RGS6: variants seen among roughly 807,000 people sequenced by gnomAD.
RGS6 encodes regulator of G protein signaling 6.
RGS6 carries 30 observed loss-of-function variants against 78.5 expected under a neutral mutation model. That is an observed-to-expected ratio of 0.38 (90% confidence interval 0.29 to 0.52). The LOEUF is 0.52. Among genes scored for constraint, RGS6 ranks in the 20% least tolerant of loss-of-function variants. The pLI is 0.85. For missense variants in RGS6, 495 were observed against 609.7 expected (o/e 0.81, Z 1.98); for synonymous variants, 206 against 206.0 (o/e 1.00, Z 0.00).
rs182148523 is a variant in RGS6, at chr14:72,072,555, T to A, written c.84+107680T>A. On this transcript the variant is annotated intron_variant, in intron 2 of 17. Coordinates refer to ENST00000553525, the MANE Select transcript of RGS6 (RefSeq NM_001204424.2). ...ATCTCCTGACCTCAGGTGATCCACC[T>A]GCCCCGGCCTCCCAAAGTGCTGGGA... 3.9e-5 allele frequency among the ~76,000 whole-genome samples: 6 copies of A among 152,060 alleles called. No homozygotes were observed. The South Asian group carries it at 6.2e-4, about 16-fold the overall frequency.
At chr14:71,913,204 A>AATG in the RGS6 span, among the ~76,000 whole-genome samples, 1 of 152,168 alleles carries the variant, frequency 6.6e-6, no homozygotes, top group Admixed American at 6.5e-5. Context: ...GTGAACATTG[A>AATG]ATGTATGTTA....
chr14:72,312,225 G>GTTTT (rs386364170), intron 2 of RGS6, among the ~76,000 whole-genome samples: 27 of 128,920 alleles, frequency 2.1e-4, no homozygotes, highest in South Asian at 7.6e-4. Context: ...CTGAGAAATT[G>GTTTT]TTTTTTTTTT....
intron 2 of RGS6, among the ~76,000 whole-genome samples, chr14:72,209,325 AGGCAATAATC>A (rs1395233814): frequency 6.6e-6 from 1 of 152,250 alleles, no homozygotes; most frequent in African/African-American, 2.4e-5. Context: ...ATTCTTTAAA[AGGCAATAATC>A]ATTTGAATCT....
chr14:72,087,116 TA>T (rs1225283057), intron 2 of RGS6, among the ~76,000 whole-genome samples: 1 of 152,170 alleles, frequency 6.6e-6, no homozygotes, highest in African/African-American at 2.4e-5. Context: ...AATTCATTTT[TA>T]TTTTATTTTA....
chr14:71,939,611 T>A (rs771145338), intron 1 of RGS6, among the ~76,000 whole-genome samples: 24 of 152,364 alleles, frequency 1.6e-4, no homozygotes, highest in Non-Finnish European at 2.8e-4. Context: ...ATTTGCCAAG[T>A]CAATGGCTGC....
the RGS6 span, among the ~76,000 whole-genome samples, chr14:72,628,215 G>GT: frequency 6.6e-6 from 1 of 152,002 alleles, no homozygotes; most frequent in Non-Finnish European, 1.5e-5. Context: ...TGTGCCTAGT[G>GT]TTTTCCTCAT....
intron 3 of RGS6, among the ~76,000 whole-genome samples, chr14:72,415,908 G>A (rs552004056): frequency 3.3e-5 from 5 of 152,058 alleles, no homozygotes; most frequent in South Asian, 2.1e-4. Context: ...CCAGCACTTC[G>A]GGAGGCCAAG....
At chr14:72,487,038 C>T (rs1454573852) in intron 12 of RGS6, among the ~76,000 whole-genome samples, 1 of 152,142 alleles carries the variant, frequency 6.6e-6, no homozygotes, top group Non-Finnish European at 1.5e-5. Flanking sequence ...CACCAAGAAG[C>T]TGGGAGAGCA....
At chr14:72,372,732 C>T (rs1426612442) in intron 3 of RGS6, among the ~76,000 whole-genome samples, 1 of 152,168 alleles carries the variant, frequency 6.6e-6, no homozygotes. Flanking sequence ...CCAGGGAAAT[C>T]ACTGGTGATG....
chr14:72,169,325 A>G (rs2096976384), intron 2 of RGS6, among the ~76,000 whole-genome samples: 1 of 151,480 alleles, frequency 6.6e-6, no homozygotes. Flanking sequence ...GTGGAATTAC[A>G]ATACGGATGT....
chr14:72,074,677 T>A (rs920231638), intron 2 of RGS6, among the ~76,000 whole-genome samples: 2 of 152,204 alleles, frequency 1.3e-5, no homozygotes, highest in Non-Finnish European at 1.5e-5. Context: ...AATGCTATTT[T>A]TTCAGTTATC....
rs1026352369 is a variant in RGS6, at chr14:72,164,831, C to A, written c.85-187264C>A. Among the ~76,000 whole-genome samples, 16 of 152,128 alleles carry A rather than the reference C, an allele frequency of 1.1e-4. 1 individual carries two copies. On this transcript the variant is annotated intron_variant, in intron 2 of 17. Transcript: ENST00000553525. ...TTAAATTTATAATCATAATTTTATTCTAGAGTTTTAACAAATGGTAAAACA... is the reference window on the plus strand; with the variant it reads ...TTAAATTTATAATCATAATTTTATTATAGAGTTTTAACAAATGGTAAAACA...
At chr14:72,540,530 T>C (rs2097310744) in intron 17 of RGS6, 2 of 1,570,596 alleles carry the variant, frequency 1.3e-6, no homozygotes, top group Non-Finnish European at 1.7e-6. Flanking sequence ...CTGTGAACCC[T>C]GGCAGTCACG....
intron 2 of RGS6, among the ~76,000 whole-genome samples, chr14:72,068,958 T>C (rs1273917093): frequency 6.6e-6 from 1 of 152,032 alleles, no homozygotes; most frequent in Admixed American, 6.5e-5. Flanking sequence ...TATTCTACTT[T>C]TGTTTCTTTC....
At chr14:72,510,106 T>A (rs1214991046) in intron 13 of RGS6, 48 bp from the exon 14 acceptor site, 3 of 1,529,342 alleles carry the variant, frequency 2.0e-6, no homozygotes, top group Non-Finnish European at 2.6e-6. Context: ...TGACACGAGC[T>A]TTTCTCTGGT....
rs139986728 is a variant in RGS6 at position 72,049,946 on chromosome 14, A to G, written c.84+85071A>G. On this transcript the variant is annotated intron_variant, in intron 2 of 17. Coordinates refer to ENST00000553525, the MANE Select transcript of RGS6 (RefSeq NM_001204424.2). Reference sequence around the variant, plus strand: ...AGTGACACTAAATATATACATATATATAGCTGTACACTAGACTTAACCTAA... The same window carrying G: ...AGTGACACTAAATATATACATATATGTAGCTGTACACTAGACTTAACCTAA... Among the ~76,000 whole-genome samples, 243 of 152,364 alleles carry G rather than the reference A, an allele frequency of 1.6e-3. 1 individual carries two copies. Among genetic ancestry groups the G allele is most frequent in the African/African-American group, 5.5e-3 (230 of 41,588 alleles).
intron 2 of RGS6, among the ~76,000 whole-genome samples, chr14:72,104,532 G>A (rs760465428): frequency 2.2e-4 from 34 of 152,194 alleles, no homozygotes; most frequent in Admixed American, 2.2e-3. Context: ...CAAAATAGCA[G>A]CATTAACCTA....
intron 3 of RGS6, among the ~76,000 whole-genome samples, chr14:72,452,181 G>A (rs958116045): frequency 2.0e-5 from 3 of 151,886 alleles, no homozygotes; most frequent in Non-Finnish European, 4.4e-5. Flanking sequence ...GTATAACTTG[G>A]AGGAAAGGGA....
chr14:72,424,284 G>C (rs1338107722), intron 3 of RGS6, among the ~76,000 whole-genome samples: 2 of 152,212 alleles, frequency 1.3e-5, no homozygotes, highest in Admixed American at 1.3e-4. Context: ...ATGGGACTTA[G>C]TTTGGGGGTA....
Sources: gnomAD v4.1 joint callset for allele counts (sites outside exome capture counted in the v4.1 genomes callset) on GRCh38, gnomAD v4.1.1 for gene constraint, MANE v1.5 for transcripts, NCBI Gene and HGNC (gene_info 2026-07-23, HGNC 2026-07-21) for gene names.